PCDH9: variants seen among roughly 807,000 people sequenced by gnomAD.
PCDH9 encodes protocadherin 9.
In PCDH9, 24 loss-of-function variants were observed where a neutral mutation model predicts 70.6. The ratio of observed to expected loss-of-function variants is 0.34; its 90% CI spans 0.25 to 0.48. PCDH9 has a LOEUF of 0.48. Among genes scored for constraint, PCDH9 ranks in the 20% least tolerant of loss-of-function variants. The pLI, the probability that PCDH9 is intolerant of heterozygous loss-of-function variation, is 0.99. For synonymous variants in PCDH9, 562 were observed against 558.5 expected (o/e 1.01, Z -0.09); for missense variants, 1,281 against 1,503.6 (o/e 0.85, Z 2.45).
intron 4 of PCDH9, among the ~76,000 whole-genome samples, chr13:66,390,733 CA>C (rs34323423): frequency 1.1e-3 from 146 of 137,898 alleles, no homozygotes; most frequent in African/African-American, 1.8e-3. Context: ...GGAGTCATCT[CA>C]AAAAAAAAAA....
At chr13:66,441,915 T>C (rs1321204542) in intron 4 of PCDH9, among the ~76,000 whole-genome samples, 1 of 152,190 alleles carries the variant, frequency 6.6e-6, no homozygotes, top group Non-Finnish European at 1.5e-5. Context: ...TCTTTATATA[T>C]GCTAAGATTA....
At chr13:66,665,833 G>A (rs1488345416) in intron 3 of PCDH9, among the ~76,000 whole-genome samples, 1 of 151,898 alleles carries the variant, frequency 6.6e-6, no homozygotes, top group Admixed American at 6.6e-5. Flanking sequence ...GTTTACTTAA[G>A]GTTTTGAGAG....
At chr13:66,839,124 A>G (rs983828281) in intron 3 of PCDH9, among the ~76,000 whole-genome samples, 2 of 151,918 alleles carry the variant, frequency 1.3e-5, no homozygotes, top group Non-Finnish European at 2.9e-5. Context: ...CAACATACTG[A>G]TGTTCAAAAA....
intron 2 of PCDH9, among the ~76,000 whole-genome samples, chr13:67,102,189 A>T (rs1296729154): frequency 6.6e-6 from 1 of 152,184 alleles, no homozygotes; most frequent in Non-Finnish European, 1.5e-5. Context: ...TGCACAGTAC[A>T]ATAGTGAAAC....
At chr13:66,746,377 A>G (rs1041963835) in intron 3 of PCDH9, among the ~76,000 whole-genome samples, 1 of 152,232 alleles carries the variant, frequency 6.6e-6, no homozygotes, top group Admixed American at 6.5e-5. Context: ...TAATGTATGT[A>G]AATATCTGAA....
intron 2 of PCDH9, among the ~76,000 whole-genome samples, chr13:66,966,870 TAG>T (rs1806306887): frequency 6.6e-6 from 1 of 152,082 alleles, no homozygotes. Context: ...AAAATTATTA[TAG>T]AGTTATTAGT....
intron 4 of PCDH9, among the ~76,000 whole-genome samples, chr13:66,429,430 G>GTAT (rs1555292585): frequency 1.4e-5 from 2 of 144,972 alleles, no homozygotes; most frequent in Non-Finnish European, 3.0e-5. Context: ...TATTTTTTCT[G>GTAT]TTTTTTTTTT....
At chr13:66,631,449 C>T (rs1348216983) in intron 3 of PCDH9, 38 bp from the exon 4 acceptor site, 1 of 1,213,494 alleles carries the variant, frequency 8.2e-7, no homozygotes, top group East Asian at 2.3e-5. Context: ...ATTAACACTC[C>T]TCTCAAATAA....
rs79245882 is a variant in PCDH9 at position 66,795,256 on chromosome 13, C to T, written c.3138+108248G>A. Reference sequence around the variant, plus strand: ...ATCCCTAATCCAAAAATTCAAAATCCAAAATGCTTTGAACATTCTTTGAGA... The same window carrying T: ...ATCCCTAATCCAAAAATTCAAAATCTAAAATGCTTTGAACATTCTTTGAGA... On this transcript the variant is annotated intron_variant, in intron 3 of 4. Coordinates refer to ENST00000377865, the MANE Select transcript of PCDH9 (RefSeq NM_203487.3). Among the ~76,000 whole-genome samples the T allele has an allele frequency of 4.0e-3, 605 of 152,046 alleles. 22 individuals carry two copies. In the East Asian group the frequency reaches 0.076, roughly 19 times the overall value.
chr13:66,708,859 A>T (rs1171134568), intron 3 of PCDH9, among the ~76,000 whole-genome samples: 1 of 152,220 alleles, frequency 6.6e-6, no homozygotes, highest in Non-Finnish European at 1.5e-5. Flanking sequence ...TTATTTTGAT[A>T]GAGATCATTC....
intron 3 of PCDH9, among the ~76,000 whole-genome samples, chr13:66,646,780 C>G (rs948637785): frequency 6.6e-6 from 1 of 152,138 alleles, no homozygotes; most frequent in Non-Finnish European, 1.5e-5. Context: ...AACTTTATAT[C>G]ATTGAAAGAG....
chr13:66,704,741 A>C (rs1417412833), intron 3 of PCDH9, among the ~76,000 whole-genome samples: 1 of 152,144 alleles, frequency 6.6e-6, no homozygotes, highest in Admixed American at 6.5e-5. Flanking sequence ...AGATAGACTG[A>C]CTAGAAATGT....
At chr13:66,759,777 T>A (rs1483171466) in intron 3 of PCDH9, among the ~76,000 whole-genome samples, 1 of 146,576 alleles carries the variant, frequency 6.8e-6, no homozygotes, top group Non-Finnish European at 1.5e-5. Flanking sequence ...TGTTATACTT[T>A]ACATATATTT....
intron 2 of PCDH9, among the ~76,000 whole-genome samples, chr13:66,971,819 A>C (rs1241976907): frequency 6.6e-6 from 1 of 152,000 alleles, no homozygotes; most frequent in East Asian, 1.9e-4. Flanking sequence ...ATTTTAGTTA[A>C]AGAAATAAAA....
At chr13:66,905,412 G>C (rs1040091006) in intron 2 of PCDH9, among the ~76,000 whole-genome samples, 2 of 152,110 alleles carry the variant, frequency 1.3e-5, no homozygotes, top group Non-Finnish European at 2.9e-5. Context: ...ATCACCTGGG[G>C]AGATTTTTAA....
intron 3 of PCDH9, among the ~76,000 whole-genome samples, chr13:66,814,238 T>G (rs1008724544): frequency 2.0e-5 from 3 of 152,160 alleles, no homozygotes; most frequent in Admixed American, 6.6e-5. Flanking sequence ...CAGAATGGAT[T>G]CAATGACTAC....
At chr13:67,022,279 C>T (rs921009807) in intron 2 of PCDH9, among the ~76,000 whole-genome samples, 3 of 151,388 alleles carry the variant, frequency 2.0e-5, no homozygotes, top group Non-Finnish European at 2.9e-5. Context: ...TGCACCACCA[C>T]GCCTGGCTAA....
At chr13:66,457,955 T>G (rs950353053) in intron 4 of PCDH9, among the ~76,000 whole-genome samples, 1 of 152,038 alleles carries the variant, frequency 6.6e-6, no homozygotes, top group Non-Finnish European at 1.5e-5. Context: ...GTCTGTTGTT[T>G]TTAAGTTTTG....
intron 3 of PCDH9, among the ~76,000 whole-genome samples, chr13:66,873,648 T>C (rs550746551): frequency 1.3e-5 from 2 of 152,202 alleles, no homozygotes; most frequent in East Asian, 3.9e-4. Context: ...GAAGGACACA[T>C]AGACAAAACA....
Sources: gnomAD v4.1 joint callset for allele counts (sites outside exome capture counted in the v4.1 genomes callset) on GRCh38, gnomAD v4.1.1 for gene constraint, MANE v1.5 for transcripts, NCBI Gene and HGNC (gene_info 2026-07-23, HGNC 2026-07-21) for gene names.